CAMK4: variants seen among roughly 807,000 people sequenced by gnomAD.
CAMK4 encodes the protein calcium/calmodulin-dependent protein kinase type IV.
CAMK4 carries 22 observed loss-of-function variants against 44.9 expected under a neutral mutation model. The observed-to-expected ratio is 0.49, with a 90% CI of 0.35 to 0.70. The LOEUF (loss-of-function observed/expected upper bound fraction) is 0.70. Ranked by LOEUF, CAMK4 falls within the 30% of genes least tolerant of loss-of-function variation. CAMK4 has a pLI of 0.01. For synonymous variants in CAMK4, 218 were observed against 215.4 expected, an observed-to-expected ratio of 1.01 and a Z score of -0.11; for missense variants, 498 against 586.8, an observed-to-expected ratio of 0.85 and a Z score of 1.56.
intron 2 of CAMK4, among the ~76,000 whole-genome samples, chr5:111,374,647 A>C (rs1470447865): frequency 1.3e-5 from 2 of 152,156 alleles, no homozygotes; most frequent in Admixed American, 6.6e-5. Context: ...GATGCATACT[A>C]GTTTCTGGCT....
At position 111,425,162 on chromosome 5, in the gene CAMK4, TAA is replaced by T. The variant is rs11351159; in HGVS notation, c.460-21505_460-21504del. ...TGGGTGACAGACCAAGACGCTGTCT[TAA>T]AAAAAAAAAAAAAAAAAAGTTTAAC... On this transcript the variant is annotated intron_variant, in intron 5 of 10. Coordinates refer to ENST00000282356, the MANE Select transcript of CAMK4 (RefSeq NM_001744.6). Among the ~76,000 whole-genome samples, 503 of 128,224 alleles carry T rather than the reference TAA, an allele frequency of 3.9e-3. 2 individuals are homozygous for T. Among genetic ancestry groups the T allele is most frequent in the Non-Finnish European group, 4.5e-3 (275 of 61,006 alleles). 84.1% of individuals were successfully genotyped at this position (128,224 alleles called of 152,430 possible).
intron 5 of CAMK4, among the ~76,000 whole-genome samples, chr5:111,397,370 C>T (rs1752057556): frequency 6.6e-6 from 1 of 152,184 alleles, no homozygotes; most frequent in African/African-American, 2.4e-5. Flanking sequence ...TAACCAACTT[C>T]ATACTCAGCA....
At chr5:111,258,933 C>T (rs1301234519) in intron 1 of CAMK4, among the ~76,000 whole-genome samples, 2 of 151,914 alleles carry the variant, frequency 1.3e-5, no homozygotes, top group African/African-American at 4.8e-5. Context: ...TAGGAAAAAC[C>T]CTTAAGGAAG....
intron 7 of CAMK4, among the ~76,000 whole-genome samples, chr5:111,470,187 T>C (rs1018653454): frequency 5.3e-5 from 8 of 152,244 alleles, no homozygotes. Context: ...TCAGGGCTGT[T>C]GTGCTCAAAG....
intron 1 of CAMK4, among the ~76,000 whole-genome samples, chr5:111,324,959 C>A (rs1173539800): frequency 6.6e-6 from 1 of 151,758 alleles, no homozygotes; most frequent in African/African-American, 2.4e-5. Flanking sequence ...TGTTTTAAGC[C>A]CCGCGTGCAT....
intron 1 of CAMK4, among the ~76,000 whole-genome samples, chr5:111,263,729 C>G (rs904069895): frequency 6.6e-6 from 1 of 152,192 alleles, no homozygotes; most frequent in East Asian, 1.9e-4. Flanking sequence ...AGAATAAATT[C>G]CAAACTCTTA....
Position 111,388,940 on chromosome 5 carries a change from A to T in CAMK4, c.387-5770A>T, listed in dbSNP as rs553752893. ...CCACATGAACACAGCTCCCAAGAAA[A>T]TTCACTCTTCCATCAAGCCAGGCCC... On this transcript the variant is annotated intron_variant, in intron 4 of 10. Transcript: ENST00000282356. Among the ~76,000 whole-genome samples, 23 of 152,260 alleles carry T rather than the reference A, an allele frequency of 1.5e-4. 2 individuals carry two copies. In the South Asian group the frequency reaches 4.8e-3, roughly 32 times the overall value.
intron 5 of CAMK4, among the ~76,000 whole-genome samples, chr5:111,405,637 G>A (rs1422303167): frequency 6.6e-6 from 1 of 152,114 alleles, no homozygotes; most frequent in East Asian, 1.9e-4. Flanking sequence ...GGTACATATT[G>A]TGAGAACCAA....
chr5:111,409,125 T>G (rs160098), intron 5 of CAMK4, among the ~76,000 whole-genome samples: 1 of 152,198 alleles, frequency 6.6e-6, no homozygotes, highest in Admixed American at 6.5e-5. Flanking sequence ...GGCAGTGCCC[T>G]GGTGAGGACT....
intron 1 of CAMK4, among the ~76,000 whole-genome samples, chr5:111,264,955 C>A (rs1750171049): frequency 6.6e-6 from 1 of 152,140 alleles, no homozygotes; most frequent in South Asian, 2.1e-4. Context: ...GTACAAATGT[C>A]CCCTCATCCA....
intron 7 of CAMK4, among the ~76,000 whole-genome samples, chr5:111,467,174 A>G (rs879324009): frequency 2.0e-5 from 3 of 152,140 alleles, no homozygotes; most frequent in African/African-American, 2.4e-5. Flanking sequence ...CTCACCTTAT[A>G]CAAAAATCAA....
intron 1 of CAMK4, among the ~76,000 whole-genome samples, chr5:111,326,419 C>T (rs1237991621): frequency 6.6e-6 from 1 of 151,690 alleles, no homozygotes; most frequent in Non-Finnish European, 1.5e-5. Flanking sequence ...TAGAAATAAC[C>T]TTATATCTGT....
intron 5 of CAMK4, among the ~76,000 whole-genome samples, chr5:111,431,829 A>G (rs1378725387): frequency 6.6e-6 from 1 of 152,208 alleles, no homozygotes; most frequent in Non-Finnish European, 1.5e-5. Flanking sequence ...TCACCCAGTT[A>G]AAGTGGCTTA....
chr5:111,473,270 G>A (rs1452091818), intron 7 of CAMK4, 41 bp from the exon 8 acceptor site: 1 of 1,236,682 alleles, frequency 8.1e-7, no homozygotes, highest in South Asian at 1.2e-5. Context: ...TATAAATATT[G>A]ACTAAGCTCT....
chr5:111,346,372 G>T (rs1408529353), intron 2 of CAMK4, among the ~76,000 whole-genome samples: 1 of 151,732 alleles, frequency 6.6e-6, no homozygotes, highest in Non-Finnish European at 1.5e-5. Context: ...TTCAAAAATG[G>T]CAATTTTATG....
At chr5:111,401,444 T>A (rs1429569404) in intron 5 of CAMK4, among the ~76,000 whole-genome samples, 7 of 152,120 alleles carry the variant, frequency 4.6e-5, no homozygotes, top group Non-Finnish European at 5.9e-5. Context: ...TTTGGTTAGG[T>A]TTGTGTTAAA....
At chr5:111,409,214 C>A (rs1186095286) in intron 5 of CAMK4, among the ~76,000 whole-genome samples, 3 of 152,240 alleles carry the variant, frequency 2.0e-5, no homozygotes, top group Non-Finnish European at 4.4e-5. Flanking sequence ...TCTGCCTGGG[C>A]ATCCAGGCAT....
At chr5:111,469,984 T>A (rs1755004987) in intron 7 of CAMK4, among the ~76,000 whole-genome samples, 1 of 152,244 alleles carries the variant, frequency 6.6e-6, no homozygotes, top group Middle Eastern at 3.2e-3. Flanking sequence ...CTTGATAGCA[T>A]TTCAGACTGA....
intron 2 of CAMK4, among the ~76,000 whole-genome samples, chr5:111,363,386 A>T (rs1322379162): frequency 6.6e-6 from 1 of 152,110 alleles, no homozygotes; most frequent in Non-Finnish European, 1.5e-5. Context: ...ACCAGCCTCC[A>T]TACCTCATTC....
Sources: allele counts gnomAD v4.1 joint callset (sites outside exome capture counted in the v4.1 genomes callset), GRCh38; gene constraint gnomAD v4.1.1; transcripts MANE v1.5; gene names NCBI Gene and HGNC (gene_info 2026-07-23, HGNC 2026-07-21).